The following CCDC85A variants were observed in gnomAD, a reference collection of about 807,000 sequenced individuals.
The protein encoded by CCDC85A is coiled-coil domain-containing protein 85A.
A neutral mutation model predicts 50.2 loss-of-function variants in CCDC85A; 38 were observed. The ratio of observed to expected loss-of-function variants is 0.76; its 90% CI spans 0.58 to 0.99. CCDC85A has a LOEUF of 0.99. CCDC85A is among the 50% of genes least tolerant of loss of function. The pLI, the probability that CCDC85A is intolerant of heterozygous loss-of-function variation, is 0.00. For synonymous variants in CCDC85A, 366 were observed against 301.4 expected (o/e 1.21, Z -2.22); for missense variants, 820 against 742.0 (o/e 1.11, Z -1.22).
At chr2:56,248,586 G>A (rs1669613704) in intron 2 of CCDC85A, among the ~76,000 whole-genome samples, 1 of 152,236 alleles carries the variant, frequency 6.6e-6, no homozygotes, top group Admixed American at 6.5e-5. Flanking sequence ...GTTTTAACAA[G>A]TGGCTTCCGA....
At chr2:56,185,002 AC>A in intron 1 of CCDC85A, 102 bp downstream of exon 1, 1 of 1,347,924 alleles carries the variant, frequency 7.4e-7, no homozygotes, top group Non-Finnish European at 9.7e-7. Context: ...TCAACAGGTG[AC>A]CCTCCCCTTC....
At chr2:56,262,583 A>G (rs1171597950) in intron 2 of CCDC85A, among the ~76,000 whole-genome samples, 4 of 152,174 alleles carry the variant, frequency 2.6e-5, no homozygotes, top group Non-Finnish European at 4.4e-5. Flanking sequence ...GACCAGTGGT[A>G]GCCATCAGTA....
rs1675931052 is a variant in CCDC85A, at chr2:56,184,834, C to T, written c.210C>T (p.His70=). The change falls in exon 1 of 6, where the codon CAC becomes CAT. Residue 70 remains histidine, a synonymous_variant. Coordinates refer to ENST00000407595, the MANE Select transcript of CCDC85A (RefSeq NM_001080433.2). ...EAEKVSAMLD[H]SNLIREVNRR... is the part of the protein sequence containing the mutation. ...AGAAGGTGAGCGCGATGCTGGACCA[C>T]AGCAACCTCATCCGCGAGGTGAACC... 1.3e-6 allele frequency: 2 copies of T among 1,542,438 alleles called. No homozygotes were observed. Among genetic ancestry groups the T allele is most frequent in the Non-Finnish European group, 1.7e-6 (2 of 1,145,142 alleles).
intron 5 of CCDC85A, among the ~76,000 whole-genome samples, 195 bp from the exon 6 acceptor site, chr2:56,384,071 C>T (rs1354186765): frequency 6.6e-6 from 1 of 151,608 alleles, no homozygotes; most frequent in Admixed American, 6.6e-5. Flanking sequence ...TTTAGTAGTC[C>T]CTACTACTAA....
intron 3 of CCDC85A, among the ~76,000 whole-genome samples, chr2:56,371,134 TTA>T (rs1676051199): frequency 6.6e-6 from 1 of 152,126 alleles, no homozygotes. Context: ...GAAATTATCA[TTA>T]TGACCCAAGT....
rs116657349 is a variant in CCDC85A at position 56,312,356 on chromosome 2, A to G, written c.1241-30523A>G. Among the ~76,000 whole-genome samples the G allele has an allele frequency of 7.5e-3, 1,137 of 152,232 alleles. 25 individuals carry two copies. Among genetic ancestry groups the G allele is most frequent in the African/African-American group, 0.026 (1,065 of 41,548 alleles). On this transcript the variant is annotated intron_variant, in intron 2 of 5. Transcript: ENST00000407595. ...GACAGTGCTAAAAATGCAAGAAATC[A>G]TTAATAATTAAATGTTTAATGTTTA...
At chr2:56,297,197 AT>A (rs1671990660) in intron 2 of CCDC85A, among the ~76,000 whole-genome samples, 1 of 152,112 alleles carries the variant, frequency 6.6e-6, no homozygotes, top group Non-Finnish European at 1.5e-5. Flanking sequence ...CACTAAAATG[AT>A]TAGAGGAAAT....
chr2:56,290,268 G>A (rs1385215180), intron 2 of CCDC85A, among the ~76,000 whole-genome samples: 1 of 152,022 alleles, frequency 6.6e-6, no homozygotes, highest in East Asian at 1.9e-4. Flanking sequence ...AATGATAGAG[G>A]TGTAACATTT....
intron 2 of CCDC85A, among the ~76,000 whole-genome samples, chr2:56,200,960 C>A (rs886354330): frequency 6.6e-6 from 1 of 151,358 alleles, no homozygotes; most frequent in African/African-American, 2.4e-5. Context: ...AAAAATTTAT[C>A]AGAATCTTAG....
chr2:56,332,949 A>AG (rs1673887171), intron 2 of CCDC85A, among the ~76,000 whole-genome samples: 2 of 152,166 alleles, frequency 1.3e-5, no homozygotes, highest in East Asian at 3.9e-4. Flanking sequence ...AATTTCCTTA[A>AG]GGGGAACTTC....
intron 2 of CCDC85A, among the ~76,000 whole-genome samples, chr2:56,292,759 G>A (rs1369676953): frequency 3.9e-5 from 6 of 152,194 alleles, no homozygotes; most frequent in African/African-American, 1.4e-4. Context: ...CACTGTGGCT[G>A]TCATAGGGAA....
intron 5 of CCDC85A, among the ~76,000 whole-genome samples, chr2:56,377,469 T>C (rs1257043253): frequency 2.0e-5 from 3 of 152,220 alleles, no homozygotes; most frequent in African/African-American, 4.8e-5. Context: ...TTTCAGCCTG[T>C]TGCCTTATTA....
At chr2:56,294,782 A>G (rs562735297) in intron 2 of CCDC85A, among the ~76,000 whole-genome samples, 19 of 152,204 alleles carry the variant, frequency 1.2e-4, no homozygotes, top group Non-Finnish European at 2.4e-4. Context: ...AGAAAATATC[A>G]CATTTAAAAC....
At chr2:56,292,101 G>A (rs973849881) in intron 2 of CCDC85A, among the ~76,000 whole-genome samples, 15 of 151,844 alleles carry the variant, frequency 9.9e-5, no homozygotes. Flanking sequence ...TTTTCTTTTT[G>A]AGACGGAGTC....
rs566287630 is a variant in CCDC85A at position 56,360,001 on chromosome 2, A to G, written c.1318-12343A>G. On this transcript the variant is annotated intron_variant, in intron 3 of 5. Coordinates refer to ENST00000407595, the MANE Select transcript of CCDC85A (RefSeq NM_001080433.2). ...GGACAAGACTTAGAGGAAAGTGAGA[A>G]GAATCCTCACTTACTTGTCTTTGTC... Among the ~76,000 whole-genome samples, 3 of 152,298 alleles carry G rather than the reference A, an allele frequency of 2.0e-5. No homozygotes were observed. The East Asian group carries it at 5.8e-4, about 29-fold the overall frequency.
intron 3 of CCDC85A, among the ~76,000 whole-genome samples, chr2:56,355,089 C>T (rs1320431534): frequency 6.6e-6 from 1 of 152,202 alleles, no homozygotes; most frequent in African/African-American, 2.4e-5. Context: ...TGGGTTTCCA[C>T]ACTTCACCCT....
Position 56,384,578 on chromosome 2 carries a change from G to A in CCDC85A, c.*223G>A. 6.5e-6 allele frequency: 3 copies of A among 458,064 alleles called. No individual in the cohort carries two copies. The highest frequency in any genetic ancestry group is 3.8e-5 in the South Asian group (1 of 26,530). The allele number at this position is 458,064 out of a possible 1,614,324, so 28.4% of individuals were successfully genotyped here. Reference sequence around the variant, plus strand: ...GTCCACAACAGTCAATCTCAAACAAGGTAGCTTTGAACATCTCAAACAGAG... The same window carrying A: ...GTCCACAACAGTCAATCTCAAACAAAGTAGCTTTGAACATCTCAAACAGAG... On this transcript the variant is annotated 3_prime_UTR_variant, in exon 6 of 6. Coordinates refer to ENST00000407595, the MANE Select transcript of CCDC85A (RefSeq NM_001080433.2).
intron 2 of CCDC85A, among the ~76,000 whole-genome samples, chr2:56,338,441 C>T (rs758206408): frequency 1.3e-5 from 2 of 152,102 alleles, no homozygotes; most frequent in Non-Finnish European, 2.9e-5. Context: ...AAGGGGGTTG[C>T]AGCGGATGTG....
intron 2 of CCDC85A, among the ~76,000 whole-genome samples, chr2:56,201,119 C>T (rs1344401314): frequency 6.9e-6 from 1 of 144,148 alleles, no homozygotes; most frequent in Non-Finnish European, 1.5e-5. Flanking sequence ...CACACACACA[C>T]ACACACGTAC....
Sources: allele counts gnomAD v4.1 joint callset (sites outside exome capture counted in the v4.1 genomes callset), GRCh38; gene constraint gnomAD v4.1.1; transcripts MANE v1.5; gene names NCBI Gene and HGNC (gene_info 2026-07-23, HGNC 2026-07-21).